The following CSTPP1 variants were observed in gnomAD, a reference collection of about 807,000 sequenced individuals.
CSTPP1 encodes centriolar satellite-associated tubulin polyglutamylase complex regulator 1, also known as UPF0705 protein C11orf49.
chr11:47,122,088 AAAAATATATATATATAT>A, the CSTPP1 span, among the ~76,000 whole-genome samples: 3 of 96,762 alleles, frequency 3.1e-5, no homozygotes, highest in Non-Finnish European at 6.2e-5. Context: ...AAAAAAAAAA[AAAAATATATATATATAT>A]ATATATATAT....
At chr11:47,111,934 C>CTCTATA in the CSTPP1 span, among the ~76,000 whole-genome samples, 1 of 152,166 alleles carries the variant, frequency 6.6e-6, no homozygotes, top group Non-Finnish European at 1.5e-5. Context: ...AGCTAAAAGG[C>CTCTATA]CATATACATG....
the CSTPP1 span, among the ~76,000 whole-genome samples, chr11:47,095,173 T>C: frequency 1.3e-5 from 2 of 152,168 alleles, no homozygotes; most frequent in African/African-American, 4.8e-5. Context: ...TAGTTCAGCC[T>C]GAAGAGCCAT....
chr11:46,937,843 C>T, the CSTPP1 span, among the ~76,000 whole-genome samples: 1 of 151,640 alleles, frequency 6.6e-6, no homozygotes, highest in African/African-American at 2.4e-5. Context: ...GGCCACAATA[C>T]ACATTTTAAA....
chr11:46,964,575 G>A, the CSTPP1 span, among the ~76,000 whole-genome samples: 12 of 152,260 alleles, frequency 7.9e-5, no homozygotes, highest in Non-Finnish European at 1.2e-4. Flanking sequence ...GTGAGCCACC[G>A]CGCCTGGCCC....
chr11:46,992,787 G>A, the CSTPP1 span, among the ~76,000 whole-genome samples: 1 of 152,124 alleles, frequency 6.6e-6, no homozygotes, highest in Non-Finnish European at 1.5e-5. Context: ...GGTATTTCTA[G>A]TTCTAGATCC....
the CSTPP1 span, among the ~76,000 whole-genome samples, chr11:47,038,683 A>G: frequency 2.7e-5 from 3 of 112,920 alleles, no homozygotes; most frequent in African/African-American, 8.3e-5. Flanking sequence ...CGGGGGGCTG[A>G]CCCCCCCACC....
At chr11:47,003,348 G>A in the CSTPP1 span, among the ~76,000 whole-genome samples, 2 of 152,170 alleles carry the variant, frequency 1.3e-5, no homozygotes, top group South Asian at 2.1e-4. Context: ...ATGAGCTGGC[G>A]TGGGGGTGGA....
the CSTPP1 span, among the ~76,000 whole-genome samples, chr11:46,955,261 A>G: frequency 6.6e-6 from 1 of 151,844 alleles, no homozygotes; most frequent in Non-Finnish European, 1.5e-5. Flanking sequence ...CACTTTCTAC[A>G]TGGAAGGCCC....
chr11:47,059,428 A>G, the CSTPP1 span, among the ~76,000 whole-genome samples: 10 of 152,210 alleles, frequency 6.6e-5, no homozygotes, highest in Non-Finnish European at 1.2e-4. Flanking sequence ...TTAGAGCCAC[A>G]CATAAGATTC....
chr11:47,042,036 A>G, the CSTPP1 span: 3 of 171,016 alleles, frequency 1.8e-5, no homozygotes, highest in Non-Finnish European at 3.8e-5. Context: ...CATCTCTACA[A>G]AAAAAAATTT....
chr11:47,045,267 C>T, the CSTPP1 span, among the ~76,000 whole-genome samples: 1 of 152,182 alleles, frequency 6.6e-6, no homozygotes, highest in Non-Finnish European at 1.5e-5. Context: ...GCATTTACCA[C>T]TCACAGGCTT....
At chr11:47,016,404 C>CAAAAAAAAAAAAAAAAAAAA in the CSTPP1 span, among the ~76,000 whole-genome samples, 1 of 30,230 alleles carries the variant, frequency 3.3e-5, no homozygotes, top group Non-Finnish European at 6.8e-5. Flanking sequence ...AAACAAAAAA[C>CAAAAAAAAAAAAAAAAAAAA]AAAAAACAAA....
At chr11:47,096,840 A>G in the CSTPP1 span, among the ~76,000 whole-genome samples, 1 of 152,264 alleles carries the variant, frequency 6.6e-6, no homozygotes, top group South Asian at 2.1e-4. Flanking sequence ...TACTATCAAA[A>G]TGTTTCCAAA....
At chr11:47,114,653 A>G in the CSTPP1 span, among the ~76,000 whole-genome samples, 1 of 152,158 alleles carries the variant, frequency 6.6e-6, no homozygotes, top group Admixed American at 6.5e-5. Flanking sequence ...GGTGTATAAG[A>G]ATGCTTGTGA....
the CSTPP1 span, among the ~76,000 whole-genome samples, chr11:46,956,189 G>C: frequency 6.6e-6 from 1 of 152,212 alleles, no homozygotes; most frequent in South Asian, 2.1e-4. Context: ...GGGCAGGGTA[G>C]AAGACAAGTT....
chr11:47,158,108 G>A, the CSTPP1 span: 1 of 591,534 alleles, frequency 1.7e-6, no homozygotes, highest in Non-Finnish European at 3.0e-6. Flanking sequence ...ACATTCCCAT[G>A]GTAGGGGACA....
the CSTPP1 span, among the ~76,000 whole-genome samples, chr11:47,130,302 T>C: frequency 6.6e-6 from 1 of 151,712 alleles, no homozygotes; most frequent in Admixed American, 6.6e-5. Flanking sequence ...TCTGCCCCCA[T>C]TGGAACACAC....
At chr11:47,155,332 C>T in the CSTPP1 span, 14 of 1,326,230 alleles carry the variant, frequency 1.1e-5, no homozygotes, top group Admixed American at 2.0e-4. Context: ...CTGCCCTGCC[C>T]ATCTGTGTGC....
At chr11:47,026,904 G>A in the CSTPP1 span, among the ~76,000 whole-genome samples, 2 of 152,000 alleles carry the variant, frequency 1.3e-5, no homozygotes. Context: ...AATAAATGAA[G>A]TAGCTAAAAT....
Sources: allele counts gnomAD v4.1 joint callset (sites outside exome capture counted in the v4.1 genomes callset), GRCh38; gene constraint gnomAD v4.1.1; transcripts MANE v1.5; gene names NCBI Gene and HGNC (gene_info 2026-07-23, HGNC 2026-07-21).